The following CCDC141 variants were observed in gnomAD, a reference collection of about 807,000 sequenced individuals.
CCDC141 encodes the protein coiled-coil domain containing 141.
A neutral mutation model predicts 181.0 loss-of-function variants in CCDC141; 168 were observed. The observed-to-expected ratio is 0.93, with a 90% CI of 0.82 to 1.05. The LOEUF is 1.05. Ranked by LOEUF, CCDC141 falls within the 50% of genes least tolerant of loss-of-function variation. The pLI is 0.00. For missense variants in CCDC141, 1,902 were observed against 1,788.5 expected, an observed-to-expected ratio of 1.06 and a Z score of -1.14; for synonymous variants, 666 against 642.3, an observed-to-expected ratio of 1.04 and a Z score of -0.56.
At chr2:178,868,971 C>G (rs535453195) in intron 15 of CCDC141, 146 bp downstream of exon 15, 1 of 495,856 alleles carries the variant, frequency 2.0e-6, no homozygotes, top group African/African-American at 2.0e-5. Context: ...AGAATAGGAA[C>G]ATAGTGAGAG....
chr2:178,815,663 T>C, the CCDC141 span, among the ~76,000 whole-genome samples: 2 of 152,326 alleles, frequency 1.3e-5, no homozygotes, highest in African/African-American at 2.4e-5. Context: ...TAAAATAGCA[T>C]AGTATTTGCA....
chr2:179,015,675 C>CATATATATCTCATACATATCTCAT (rs1417598131), intron 2 of CCDC141, among the ~76,000 whole-genome samples: 2 of 138,874 alleles, frequency 1.4e-5, no homozygotes, highest in African/African-American at 5.3e-5. Context: ...ATACATATCT[C>CATATATATCTCATACATATCTCAT]ATATATATCT....
chr2:178,953,538 CA>C (rs1690043649), intron 5 of CCDC141, among the ~76,000 whole-genome samples: 1 of 152,014 alleles, frequency 6.6e-6, no homozygotes, highest in African/African-American at 2.4e-5. Flanking sequence ...ATGAAAGATA[CA>C]CTCAAGAATG....
chr2:178,888,233 A>G (rs780972011), intron 9 of CCDC141, among the ~76,000 whole-genome samples: 8 of 152,182 alleles, frequency 5.3e-5, no homozygotes, highest in Non-Finnish European at 8.8e-5. Flanking sequence ...CAAATGAAAG[A>G]TCCACTCTAT....
At chr2:178,975,907 A>G (rs893429672) in intron 3 of CCDC141, among the ~76,000 whole-genome samples, 3 of 152,180 alleles carry the variant, frequency 2.0e-5, no homozygotes, top group African/African-American at 7.2e-5. Flanking sequence ...TTACATCTAT[A>G]AATAAAATGA....
chr2:178,855,471 T>G lies in CCDC141; in HGVS notation c.2936A>C (p.Lys979Thr). ...CATGACTTCCAAAAGGACATTAACT[T>G]TATCACTTGGATAATTTAAGAAAGA... ...SDSFLNYPSD[K>T]VNVLLEVMKD... Residue 979 changes from lysine to threonine, a missense_variant, in exon 19 of 24, where the codon AAA (lysine) becomes ACA (threonine). By Grantham distance (78) the Lys-to-Thr change is moderately conservative. Coordinates refer to ENST00000443758, the MANE Select transcript of CCDC141 (RefSeq NM_173648.4). 3.1e-6 allele frequency: 5 copies of G among 1,610,742 alleles called. No individual in the cohort carries two copies. Among genetic ancestry groups the G allele is most frequent in the Non-Finnish European group, 4.2e-6 (5 of 1,178,468 alleles).
In CCDC141 at chr2:178,918,818, G is replaced by A; in HGVS notation, c.987C>T (p.Leu329=). ...KDYVEKEHLQ[L]SHQKLSQLQE... is the part of the protein sequence containing the mutation. ...GAAGCTGACTGAGTTTCTGGTGAGAGAGCTGGAGGTGTTCTTTCTCCACGT... is the reference window on the plus strand; with the variant it reads ...GAAGCTGACTGAGTTTCTGGTGAGAAAGCTGGAGGTGTTCTTTCTCCACGT... Residue 329 remains leucine, a synonymous_variant, in exon 7 of 24, where the codon CTC becomes CTT. Coordinates refer to ENST00000443758, the MANE Select transcript of CCDC141 (RefSeq NM_173648.4). 2.6e-6 allele frequency: 4 copies of A among 1,550,616 alleles called. No individual in the cohort carries two copies. The highest frequency in any genetic ancestry group is 3.5e-6 in the Non-Finnish European group (4 of 1,146,986).
At chr2:179,034,725 T>C (rs996357937) in intron 2 of CCDC141, among the ~76,000 whole-genome samples, 2 of 152,212 alleles carry the variant, frequency 1.3e-5, no homozygotes, top group Non-Finnish European at 2.9e-5. Flanking sequence ...ATGTTATTGA[T>C]ATTTTGAATT....
intron 5 of CCDC141, among the ~76,000 whole-genome samples, chr2:178,953,752 C>A (rs948948879): frequency 6.6e-6 from 1 of 152,168 alleles, no homozygotes; most frequent in South Asian, 2.1e-4. Context: ...CAGAGAAGGA[C>A]TTTTAAAATT....
intron 4 of CCDC141, among the ~76,000 whole-genome samples, chr2:178,963,544 C>G (rs55699505): frequency 0.044 from 6,640 of 152,018 alleles, 203 homozygotes; most frequent in Non-Finnish European, 0.068. Flanking sequence ...TAGTATAGCT[C>G]AGTGTTCTTT....
Position 178,834,340 on chromosome 2 carries a change from C to A in CCDC141, c.4426G>T (p.Ala1476Ser), listed in dbSNP as rs760885419. 1.3e-6 allele frequency: 2 copies of A among 1,536,098 alleles called. No individual in the cohort carries two copies. Among genetic ancestry groups the A allele is most frequent in the Non-Finnish European group, 1.7e-6 (2 of 1,146,848 alleles). The change falls in exon 24 of 24, where the codon GCA becomes TCA. Residue 1476 changes from alanine (A) to serine (S), a missense_variant. Ala to Ser is a moderately conservative substitution (Grantham distance 99). Coordinates refer to ENST00000443758, the MANE Select transcript of CCDC141 (RefSeq NM_173648.4). ...TGGGCCCGAGCCACATAGAGGCCTGCGTCTGCCTTGCATACCTTTGGAATG... is the reference window on the plus strand; with the variant it reads ...TGGGCCCGAGCCACATAGAGGCCTGAGTCTGCCTTGCATACCTTTGGAATG... ...VFIPKVCKADAGLYVARAQNS... is the reference protein window; with the variant it reads ...VFIPKVCKADSGLYVARAQNS...
intron 2 of CCDC141, among the ~76,000 whole-genome samples, chr2:178,986,176 A>C (rs939204088): frequency 2.0e-5 from 3 of 152,248 alleles, no homozygotes; most frequent in Admixed American, 6.5e-5. Context: ...GCAAATCAAT[A>C]AATGTCATCC....
At chr2:179,021,333 A>T (rs1481036558) in intron 2 of CCDC141, among the ~76,000 whole-genome samples, 1 of 152,188 alleles carries the variant, frequency 6.6e-6, no homozygotes, top group Non-Finnish European at 1.5e-5. Context: ...GCCCATGCCT[A>T]TCTGAAGGGG....
intron 11 of CCDC141, among the ~76,000 whole-genome samples, chr2:178,884,105 A>T (rs1179977961): frequency 6.6e-6 from 1 of 152,222 alleles, no homozygotes; most frequent in Non-Finnish European, 1.5e-5. Flanking sequence ...TGTAGGACGT[A>T]GTAAAAATTA....
chr2:178,891,369 C>T (rs1478404179), intron 8 of CCDC141, among the ~76,000 whole-genome samples: 1 of 152,110 alleles, frequency 6.6e-6, no homozygotes, highest in African/African-American at 2.4e-5. Context: ...GTAACTGGCC[C>T]AGTTCTGAAA....
chr2:178,832,486 A>C lies in CCDC141; in HGVS notation c.*1687T>G, dbSNP rs1017177862. The C allele has an allele frequency of 2.7e-4, 41 of 150,338 alleles. No homozygotes were observed. The highest frequency in any genetic ancestry group is 3.5e-3 in the Middle Eastern group (1 of 288). 9.3% of individuals were successfully genotyped at this position (150,338 alleles called of 1,614,324 possible). A position where few individuals can be genotyped will look rare whatever the true frequency, so the allele number is the denominator to read the frequency against. Reference sequence around the variant, plus strand: ...TTCTCAAAAAAAAAAAAAAAAAACAAAAAAAACAAAAAAAAGATAGTTAAG... The same window carrying C: ...TTCTCAAAAAAAAAAAAAAAAAACACAAAAAACAAAAAAAAGATAGTTAAG... On this transcript the variant is annotated 3_prime_UTR_variant, in exon 24 of 24. Coordinates refer to ENST00000443758, the MANE Select transcript of CCDC141 (RefSeq NM_173648.4).
the CCDC141 span, among the ~76,000 whole-genome samples, chr2:178,815,587 G>A: frequency 2.0e-5 from 3 of 152,092 alleles, no homozygotes; most frequent in Non-Finnish European, 4.4e-5. Flanking sequence ...ATCCTTGTGG[G>A]ATTGGCTCCA....
chr2:178,973,021 A>C (rs1690966456), intron 4 of CCDC141, among the ~76,000 whole-genome samples: 1 of 152,216 alleles, frequency 6.6e-6, no homozygotes, highest in South Asian at 2.1e-4. Context: ...ACTGATTAAC[A>C]TCTCAGAAAC....
Position 179,050,052 on chromosome 2 carries a change from C to T in CCDC141, c.-111G>A. The T allele has an allele frequency of 2.0e-6, 3 of 1,481,550 alleles. No individual in the cohort carries two copies. Among genetic ancestry groups the T allele is most frequent in the Non-Finnish European group, 2.7e-6 (3 of 1,105,432 alleles). The allele number at this position is 1,481,550 out of a possible 1,614,324, so 91.8% of individuals were successfully genotyped here. ...GGATTCATTCAGGGAAAGAGCTCAG[C>T]TCACACTGATTACTCTGCCAAAAGG... On this transcript the variant is annotated 5_prime_UTR_variant, in exon 1 of 24. Coordinates refer to ENST00000443758, the MANE Select transcript of CCDC141 (RefSeq NM_173648.4).
Sources: allele counts gnomAD v4.1 joint callset (sites outside exome capture counted in the v4.1 genomes callset), GRCh38; gene constraint gnomAD v4.1.1; transcripts MANE v1.5; gene names NCBI Gene and HGNC (gene_info 2026-07-23, HGNC 2026-07-21).